Variants in DPP10 observed in about 807,000 individuals in gnomAD.
DPP10 encodes inactive dipeptidyl peptidase 10.
A neutral mutation model predicts 120.9 loss-of-function variants in DPP10; 33 were observed. The ratio of observed to expected loss-of-function variants is 0.27; its 90% confidence interval spans 0.21 to 0.37. The LOEUF is 0.37. DPP10 is among the 10% of genes least tolerant of loss of function. The pLI, the probability that DPP10 is intolerant of heterozygous loss-of-function variation, is 1.00. For missense variants in DPP10, 816 were observed against 942.8 expected (o/e 0.87, Z 1.76); for synonymous variants, 337 against 326.1 (o/e 1.03, Z -0.36).
At chr2:115,186,606 C>G (rs1293804490) in intron 1 of DPP10, among the ~76,000 whole-genome samples, 2 of 152,158 alleles carry the variant, frequency 1.3e-5, no homozygotes, top group African/African-American at 4.8e-5. Flanking sequence ...GGAAGGTGGT[C>G]ATTTCAAGAA....
chr2:114,780,720 A>G (rs1239588376), intron 1 of DPP10, among the ~76,000 whole-genome samples: 1 of 152,074 alleles, frequency 6.6e-6, no homozygotes, highest in African/African-American at 2.4e-5. Context: ...AGATATCTTA[A>G]ATGTTTATCT....
chr2:115,466,218 G>C (rs1228841584), intron 3 of DPP10, among the ~76,000 whole-genome samples: 1 of 151,944 alleles, frequency 6.6e-6, no homozygotes, highest in South Asian at 2.1e-4. Flanking sequence ...CTCCCACCTG[G>C]GACTCTTTAG....
chr2:115,089,621 C>T (rs758825475), intron 1 of DPP10, among the ~76,000 whole-genome samples: 5 of 152,274 alleles, frequency 3.3e-5, no homozygotes, highest in South Asian at 2.1e-4. Context: ...CTGCTACTTG[C>T]GGATTCACTC....
intron 3 of DPP10, among the ~76,000 whole-genome samples, chr2:115,455,570 C>T (rs1002848948): frequency 4.0e-5 from 6 of 151,720 alleles, no homozygotes; most frequent in South Asian, 2.1e-4. Flanking sequence ...TAAACTACAC[C>T]GCAAGGCTAC....
chr2:114,876,010 G>A (rs1388184178), intron 1 of DPP10, among the ~76,000 whole-genome samples: 1 of 152,032 alleles, frequency 6.6e-6, no homozygotes, highest in Non-Finnish European at 1.5e-5. Flanking sequence ...ATTTTTTAGA[G>A]TTTTGATAGT....
intron 1 of DPP10, among the ~76,000 whole-genome samples, chr2:114,607,523 T>C (rs575306078): frequency 1.3e-5 from 2 of 152,302 alleles, no homozygotes; most frequent in African/African-American, 4.8e-5. Flanking sequence ...TGTCTCCTTA[T>C]ATATTTCTTA....
chr2:114,889,298 C>A (rs1340349824), intron 1 of DPP10, among the ~76,000 whole-genome samples: 1 of 152,162 alleles, frequency 6.6e-6, no homozygotes, highest in Non-Finnish European at 1.5e-5. Flanking sequence ...GTAGGAAAAT[C>A]TCTTTTATTA....
chr2:114,549,371 A>G (rs1687682393), intron 1 of DPP10, among the ~76,000 whole-genome samples: 1 of 151,990 alleles, frequency 6.6e-6, no homozygotes, highest in Non-Finnish European at 1.5e-5. Flanking sequence ...ATTAGAAAAC[A>G]TGTCCGCATA....
At chr2:115,699,903 TC>T (rs987337420) in intron 7 of DPP10, among the ~76,000 whole-genome samples, 34 of 152,190 alleles carry the variant, frequency 2.2e-4, no homozygotes, top group Admixed American at 5.9e-4. Flanking sequence ...ATTGTATTAG[TC>T]CCTTCTCACA....
intron 19 of DPP10, among the ~76,000 whole-genome samples, chr2:115,809,962 G>A (rs960898335): frequency 6.6e-6 from 1 of 152,134 alleles, no homozygotes; most frequent in Non-Finnish European, 1.5e-5. Flanking sequence ...AGGAGATCGA[G>A]ACCATCCTGG....
intron 1 of DPP10, among the ~76,000 whole-genome samples, chr2:115,303,636 T>A (rs2061239519): frequency 6.6e-6 from 1 of 151,898 alleles, no homozygotes. Context: ...ATAGCAAAAT[T>A]TTATGATTTA....
intron 1 of DPP10, among the ~76,000 whole-genome samples, chr2:115,037,763 A>G (rs1704329552): frequency 6.6e-6 from 1 of 152,206 alleles, no homozygotes; most frequent in Non-Finnish European, 1.5e-5. Flanking sequence ...CTGAGAAAGG[A>G]CAACGGTATC....
At chr2:115,835,051 C>T (rs1015351982) in intron 21 of DPP10, among the ~76,000 whole-genome samples, 1 of 151,132 alleles carries the variant, frequency 6.6e-6, no homozygotes, top group African/African-American at 2.4e-5. Context: ...GCGGAGTTTG[C>T]AGTGAACCCA....
intron 1 of DPP10, among the ~76,000 whole-genome samples, chr2:114,593,431 A>T (rs1232820484): frequency 6.6e-6 from 1 of 152,142 alleles, no homozygotes; most frequent in Non-Finnish European, 1.5e-5. Flanking sequence ...TGTAGACCTG[A>T]GGACTGCCAT....
chr2:115,804,824 G>T (rs1449034483), intron 19 of DPP10, among the ~76,000 whole-genome samples: 1 of 152,216 alleles, frequency 6.6e-6, no homozygotes, highest in Non-Finnish European at 1.5e-5. Flanking sequence ...GGCTATGTGA[G>T]GTGTCAGTCT....
intron 1 of DPP10, among the ~76,000 whole-genome samples, chr2:114,946,117 A>T (rs116519172): frequency 6.6e-6 from 1 of 152,318 alleles, no homozygotes; most frequent in East Asian, 1.9e-4. Flanking sequence ...TGAACACTGA[A>T]TGGATCTTGG....
chr2:115,736,133 T>C (rs908298164), intron 8 of DPP10, among the ~76,000 whole-genome samples: 4 of 152,160 alleles, frequency 2.6e-5, no homozygotes, highest in African/African-American at 7.2e-5. Context: ...CCTCGTCCTT[T>C]AGGCAATGGA....
At chr2:114,969,447 ATGTG>A (rs1699250163) in intron 1 of DPP10, among the ~76,000 whole-genome samples, 1 of 152,226 alleles carries the variant, frequency 6.6e-6, no homozygotes, top group South Asian at 2.1e-4. Flanking sequence ...AAATATATAT[ATGTG>A]TGTTTGTGTA....
chr2:115,072,949 A>G (rs905755650), intron 1 of DPP10, among the ~76,000 whole-genome samples: 5 of 151,842 alleles, frequency 3.3e-5, no homozygotes, highest in African/African-American at 9.7e-5. Context: ...TACCCAGCTA[A>G]TTTTTGCATT....
Sources: gnomAD v4.1 joint callset for allele counts (sites outside exome capture counted in the v4.1 genomes callset) on GRCh38, gnomAD v4.1.1 for gene constraint, MANE v1.5 for transcripts, NCBI Gene and HGNC (gene_info 2026-07-23, HGNC 2026-07-21) for gene names.